The following PLPPR1 variants were observed in gnomAD, a reference collection of about 807,000 sequenced individuals.
PLPPR1 encodes the protein phospholipid phosphatase-related protein type 1.
Under a neutral mutation model 33.1 loss-of-function variants are expected in PLPPR1, and 10 were observed. The ratio of observed to expected loss-of-function variants is 0.30; its 90% CI spans 0.19 to 0.51. PLPPR1 has a LOEUF of 0.51. Ranked by LOEUF, PLPPR1 falls within the 20% of genes least tolerant of loss-of-function variation. The probability of loss-of-function intolerance (pLI) is 0.97; values close to 1 mark genes in which losing one functional copy is unlikely to be tolerated. For missense variants in PLPPR1, 304 were observed against 408.1 expected (o/e 0.74, Z 2.20); for synonymous variants, 151 against 151.0 (o/e 1.00, Z 0.00).
intron 2 of PLPPR1, among the ~76,000 whole-genome samples, chr9:101,256,899 G>C (rs1827813307): frequency 6.6e-6 from 1 of 152,000 alleles, no homozygotes; most frequent in African/African-American, 2.4e-5. Context: ...CCTGTAAACA[G>C]GTTGCTTCTA....
At position 101,234,253 on chromosome 9, in the gene PLPPR1, C is replaced by T. The variant is rs148487943; in HGVS notation, c.64-35627C>T. On this transcript the variant is annotated intron_variant, in intron 2 of 7. Transcript: ENST00000374874. The stretch of plus-strand genomic sequence containing the variant: ...TTTGTAACATACACATACCCACTCA[C>T]AAGGCAGTTGTTTGTAGAAAGTATA... 2.8e-4 allele frequency among the ~76,000 whole-genome samples: 42 copies of T among 152,014 alleles called. No homozygotes were observed. The East Asian group carries it at 6.4e-3, about 23-fold the overall frequency.
chr9:101,093,055 C>T (rs1217585364), intron 1 of PLPPR1, among the ~76,000 whole-genome samples: 1 of 152,144 alleles, frequency 6.6e-6, no homozygotes, highest in African/African-American at 2.4e-5. Context: ...CTACTGCTAC[C>T]GAGCCTATGG....
intron 1 of PLPPR1, among the ~76,000 whole-genome samples, chr9:101,114,108 G>A (rs1831091265): frequency 1.3e-5 from 2 of 152,330 alleles, no homozygotes; most frequent in African/African-American, 4.8e-5. Context: ...GAATAGGAAT[G>A]AGAGAATGAA....
At chr9:101,283,192 A>G (rs892486010) in intron 3 of PLPPR1, among the ~76,000 whole-genome samples, 1 of 152,216 alleles carries the variant, frequency 6.6e-6, no homozygotes, top group Non-Finnish European at 1.5e-5. Context: ...ATCAATCAAA[A>G]AAGACCTAGA....
At chr9:101,075,400 A>G (rs960983894) in intron 1 of PLPPR1, among the ~76,000 whole-genome samples, 2 of 152,236 alleles carry the variant, frequency 1.3e-5, no homozygotes, top group African/African-American at 2.4e-5. Context: ...GATTAGCACA[A>G]TGAACATTCC....
chr9:101,290,440 A>C (rs994423978), intron 4 of PLPPR1, among the ~76,000 whole-genome samples: 1 of 152,210 alleles, frequency 6.6e-6, no homozygotes, highest in African/African-American at 2.4e-5. Context: ...TTTTTAAGAA[A>C]ATAAGGCTTT....
intron 2 of PLPPR1, among the ~76,000 whole-genome samples, chr9:101,186,665 G>A (rs1049492920): frequency 1.3e-5 from 2 of 151,842 alleles, no homozygotes; most frequent in Non-Finnish European, 2.9e-5. Flanking sequence ...TGCCTATATA[G>A]TCAGATAATT....
At chr9:101,206,857 AC>A (rs1269827697) in intron 2 of PLPPR1, among the ~76,000 whole-genome samples, 1 of 152,090 alleles carries the variant, frequency 6.6e-6, no homozygotes, top group Non-Finnish European at 1.5e-5. Context: ...CACCACCAGG[AC>A]CTTGACATCC....
intron 4 of PLPPR1, among the ~76,000 whole-genome samples, chr9:101,290,994 C>T (rs989350384): frequency 5.9e-5 from 9 of 152,226 alleles, no homozygotes; most frequent in African/African-American, 1.9e-4. Context: ...TTGCTTCACT[C>T]GGGAAGTGCA....
chr9:101,119,874 G>A (rs1343064163), intron 1 of PLPPR1, among the ~76,000 whole-genome samples: 4 of 152,072 alleles, frequency 2.6e-5, no homozygotes, highest in Non-Finnish European at 5.9e-5. Context: ...ACCCATTTCT[G>A]TCTCATCTGT....
Position 101,324,363 on chromosome 9 carries a change from ATT to A in PLPPR1, c.*309_*310del, listed in dbSNP as rs1306608315. 1.5e-5 allele frequency: 4 copies of A among 269,346 alleles called. No individual in the cohort carries two copies. The highest frequency in any genetic ancestry group is 2.1e-5 in the Non-Finnish European group (3 of 146,072). 16.7% of individuals were successfully genotyped at this position (269,346 alleles called of 1,614,324 possible). A position where few individuals can be genotyped will look rare whatever the true frequency, so the allele number is the denominator to read the frequency against. On this transcript the variant is annotated 3_prime_UTR_variant, in exon 8 of 8. Transcript: ENST00000374874. ...GTTGTTTTGTGATATTTGTACACAA[ATT>A]TTCTTTTCTCAGTTTTATAAACACA...
chr9:101,230,828 G>GTTTTT (rs5899435), intron 2 of PLPPR1, among the ~76,000 whole-genome samples: 128 of 145,816 alleles, frequency 8.8e-4, no homozygotes, highest in African/African-American at 2.6e-3. Flanking sequence ...CATTATTAAA[G>GTTTTT]TTTTTTTTTT....
At chr9:101,120,938 T>A (rs1253371740) in intron 1 of PLPPR1, among the ~76,000 whole-genome samples, 1 of 152,224 alleles carries the variant, frequency 6.6e-6, no homozygotes, top group East Asian at 1.9e-4. Flanking sequence ...AGGACTCAAC[T>A]TAAATAGCAT....
intron 1 of PLPPR1, among the ~76,000 whole-genome samples, chr9:101,080,821 G>C (rs1197523969): frequency 6.6e-6 from 1 of 152,144 alleles, no homozygotes; most frequent in Non-Finnish European, 1.5e-5. Flanking sequence ...CCTGAGAATA[G>C]AGCTCCAGGT....
rs568106114 is a variant in PLPPR1 at position 101,117,644 on chromosome 9, A to G, written c.-45-67806A>G. Reference sequence around the variant, plus strand: ...CTTTTATCCCTTTACTTTCTTAATAAACTTGCTTTCACTTAAAAAAAAAAA... The same window carrying G: ...CTTTTATCCCTTTACTTTCTTAATAGACTTGCTTTCACTTAAAAAAAAAAA... On this transcript the variant is annotated intron_variant, in intron 1 of 7. Transcript: ENST00000374874. Among the ~76,000 whole-genome samples the G allele has an allele frequency of 2.0e-5, 3 of 150,042 alleles. No individual in the cohort carries two copies. The Admixed American group carries it at 2.0e-4, about 10-fold the overall frequency.
At chr9:101,219,351 C>T (rs1423396264) in intron 2 of PLPPR1, among the ~76,000 whole-genome samples, 1 of 152,172 alleles carries the variant, frequency 6.6e-6, no homozygotes, top group Non-Finnish European at 1.5e-5. Flanking sequence ...GCATTTAATG[C>T]TGAAATCTGG....
intron 3 of PLPPR1, among the ~76,000 whole-genome samples, chr9:101,280,591 G>T (rs1475367493): frequency 1.3e-5 from 2 of 151,946 alleles, no homozygotes; most frequent in Non-Finnish European, 2.9e-5. Context: ...TGGCCAAGTG[G>T]GATTTATCCC....
intron 6 of PLPPR1, 25 bp downstream of exon 6, chr9:101,312,999 C>A (rs1273119647): frequency 6.2e-7 from 1 of 1,610,884 alleles, no homozygotes; most frequent in Admixed American, 1.7e-5. Context: ...CTCTTTTTAC[C>A]TTTTCCCCCT....
intron 1 of PLPPR1, among the ~76,000 whole-genome samples, chr9:101,035,647 C>T (rs1830000742): frequency 6.6e-6 from 1 of 151,992 alleles, no homozygotes; most frequent in African/African-American, 2.4e-5. Flanking sequence ...TTTTTTGTGC[C>T]TAACATAGTG....
Sources: allele counts gnomAD v4.1 joint callset (sites outside exome capture counted in the v4.1 genomes callset), GRCh38; gene constraint gnomAD v4.1.1; transcripts MANE v1.5; gene names NCBI Gene and HGNC (gene_info 2026-07-23, HGNC 2026-07-21).